Variants in AKAIN1 observed in about 807,000 individuals in gnomAD.
AKAIN1 encodes A-kinase anchor protein inhibitor 1.
Under a neutral mutation model 3.7 loss-of-function variants are expected in AKAIN1, and 3 were observed. That is an observed-to-expected ratio of 0.82 (90% CI 0.37 to 2.12). The LOEUF (loss-of-function observed/expected upper bound fraction) is 2.12. Among genes scored for constraint, AKAIN1 ranks in the 30% most tolerant of loss-of-function variants. AKAIN1 has a pLI of 0.06. For missense variants in AKAIN1, 82 were observed against 82.7 expected, an observed-to-expected ratio of 0.99 and a Z score of 0.03; for synonymous variants, 31 against 30.8, an observed-to-expected ratio of 1.01 and a Z score of -0.02.
rs577720326 is a variant in AKAIN1 at position 5,180,803 on chromosome 18, G to T, written c.16+16235C>A. 2.6e-5 allele frequency among the ~76,000 whole-genome samples: 4 copies of T among 152,156 alleles called. No homozygotes were observed. The South Asian group carries it at 8.3e-4, about 32-fold the overall frequency. On this transcript the variant is annotated intron_variant, in intron 1 of 1. Transcript: ENST00000434239. ...TGGGAAGGCAGGAATAAGTGCACAA[G>T]AATGTTAGAAATAAATTCCATGGAG...
At chr18:5,192,419 TTC>T (rs376528532) in intron 1 of AKAIN1, among the ~76,000 whole-genome samples, 4 of 144,938 alleles carry the variant, frequency 2.8e-5, no homozygotes, top group South Asian at 2.3e-4. Context: ...CTTTCTTTCT[TTC>T]TTTCTTTCTT....
At chr18:5,173,924 T>C (rs2071211443) in intron 1 of AKAIN1, among the ~76,000 whole-genome samples, 1 of 152,040 alleles carries the variant, frequency 6.6e-6, no homozygotes, top group Admixed American at 6.5e-5. Context: ...CTGGGCAGGC[T>C]GGGATCTTTG....
intron 1 of AKAIN1, among the ~76,000 whole-genome samples, chr18:5,155,675 C>G (rs901649476): frequency 6.6e-6 from 1 of 152,116 alleles, no homozygotes; most frequent in African/African-American, 2.4e-5. Context: ...CAGGCTGGCC[C>G]GAACTCAGGA....
chr18:5,175,672 A>G (rs1598312283), intron 1 of AKAIN1, among the ~76,000 whole-genome samples: 2 of 152,314 alleles, frequency 1.3e-5, no homozygotes, highest in Non-Finnish European at 1.5e-5. Context: ...TCTGGTAAGA[A>G]ATACATAACC....
intron 1 of AKAIN1, among the ~76,000 whole-genome samples, chr18:5,152,880 G>C (rs1016455818): frequency 2.6e-5 from 4 of 152,336 alleles, no homozygotes; most frequent in South Asian, 4.1e-4. Context: ...AGGCCAGCCT[G>C]GGCCTGGGGT....
intron 1 of AKAIN1, among the ~76,000 whole-genome samples, chr18:5,196,717 G>A (rs1177263589): frequency 1.3e-5 from 2 of 152,210 alleles, no homozygotes; most frequent in African/African-American, 4.8e-5. Context: ...TCTCTTGCCC[G>A]TGTAGGTGCC....
At chr18:5,162,743 C>A (rs1052368528) in intron 1 of AKAIN1, among the ~76,000 whole-genome samples, 3 of 151,132 alleles carry the variant, frequency 2.0e-5, no homozygotes, top group Non-Finnish European at 4.4e-5. Context: ...AAAAATAAAT[C>A]ATCAATGACA....
chr18:5,195,373 C>T (rs1810698449), intron 1 of AKAIN1, among the ~76,000 whole-genome samples: 1 of 152,170 alleles, frequency 6.6e-6, no homozygotes, highest in African/African-American at 2.4e-5. Context: ...CCATCACTCA[C>T]GATCTTGCTT....
At chr18:5,176,465 AC>A (rs2071227392) in intron 1 of AKAIN1, among the ~76,000 whole-genome samples, 2 of 152,088 alleles carry the variant, frequency 1.3e-5, no homozygotes, top group Non-Finnish European at 2.9e-5. Flanking sequence ...AACAAAAAAA[AC>A]AAACTGGTAA....
chr18:5,195,023 T>C (rs2071339877), intron 1 of AKAIN1, among the ~76,000 whole-genome samples: 4 of 152,168 alleles, frequency 2.6e-5, no homozygotes, highest in Admixed American at 2.6e-4. Context: ...CACATCACTA[T>C]ACGAATTAGA....
intron 1 of AKAIN1, among the ~76,000 whole-genome samples, chr18:5,155,211 C>A (rs12956842): frequency 0.097 from 14,707 of 152,056 alleles, 1,286 homozygotes; most frequent in East Asian, 0.24. Context: ...AAGAGACCAT[C>A]GACCATGGAG....
intron 1 of AKAIN1, among the ~76,000 whole-genome samples, chr18:5,174,374 A>G (rs2071214117): frequency 6.6e-6 from 1 of 152,166 alleles, no homozygotes; most frequent in Admixed American, 6.5e-5. Flanking sequence ...GTCTGGTCTT[A>G]TCAGCAAATT....
At chr18:5,176,204 C>T (rs375801871) in intron 1 of AKAIN1, among the ~76,000 whole-genome samples, 8 of 152,108 alleles carry the variant, frequency 5.3e-5, no homozygotes, top group African/African-American at 1.4e-4. Flanking sequence ...TTCAGGAGGC[C>T]GAGGCAAGTG....
intron 1 of AKAIN1, among the ~76,000 whole-genome samples, chr18:5,178,687 A>G (rs887598848): frequency 1.3e-5 from 2 of 152,150 alleles, no homozygotes; most frequent in African/African-American, 2.4e-5. Flanking sequence ...GCCTGCCCTT[A>G]AGAAGTTAGA....
At chr18:5,168,284 ACTT>A (rs1267133713) in intron 1 of AKAIN1, among the ~76,000 whole-genome samples, 1 of 152,088 alleles carries the variant, frequency 6.6e-6, no homozygotes. Flanking sequence ...AAACATAACT[ACTT>A]CATTATTTTG....
chr18:5,181,342 C>T (rs2007840), intron 1 of AKAIN1, among the ~76,000 whole-genome samples: 83,850 of 151,888 alleles, frequency 0.55, 23,510 homozygotes, highest in East Asian at 0.68. Context: ...AGAGAAGGCA[C>T]TTTACTTTTG....
chr18:5,171,844 T>C (rs960650352), intron 1 of AKAIN1, among the ~76,000 whole-genome samples: 1 of 152,130 alleles, frequency 6.6e-6, no homozygotes, highest in Non-Finnish European at 1.5e-5. Context: ...GCTGGGTATA[T>C]ACCCAAAAGA....
chr18:5,163,776 A>G (rs2071152752), intron 1 of AKAIN1: 3 of 152,074 alleles, frequency 2.0e-5, no homozygotes, highest in South Asian at 2.1e-4. Flanking sequence ...ATACACTTCC[A>G]AGCCTCATGA....
chr18:5,153,557 T>C (rs1427314369), intron 1 of AKAIN1, among the ~76,000 whole-genome samples: 1 of 152,128 alleles, frequency 6.6e-6, no homozygotes, highest in Non-Finnish European at 1.5e-5. Context: ...TTTCAGTCTT[T>C]AGGGCTTGGC....
Sources: gnomAD v4.1 joint callset for allele counts (sites outside exome capture counted in the v4.1 genomes callset) on GRCh38, gnomAD v4.1.1 for gene constraint, MANE v1.5 for transcripts, NCBI Gene and HGNC (gene_info 2026-07-23, HGNC 2026-07-21) for gene names.